The following SOS1 variants were observed in gnomAD, a reference collection of about 807,000 sequenced individuals.
SOS1 encodes son of sevenless homolog 1.
Under a neutral mutation model 157.6 loss-of-function variants are expected in SOS1, and 25 were observed. The ratio of observed to expected loss-of-function variants is 0.16; its 90% CI spans 0.12 to 0.22. The LOEUF (loss-of-function observed/expected upper bound fraction) is 0.22, where lower values mean the gene tolerates loss of function less well. Among genes scored for constraint, SOS1 ranks in the 10% least tolerant of loss-of-function variants. The pLI is 1.00. For missense variants in SOS1, 1,237 were observed against 1,599.1 expected (o/e 0.77, Z 3.86); for synonymous variants, 528 against 534.0 (o/e 0.99, Z 0.16).
At chr2:39,087,438 G>A (rs1672420095) in intron 1 of SOS1, among the ~76,000 whole-genome samples, 1 of 152,078 alleles carries the variant, frequency 6.6e-6, no homozygotes, top group South Asian at 2.1e-4. Flanking sequence ...TTACATTTTT[G>A]TCACAAAACA....
chr2:39,068,009 C>T (rs1331025224), intron 1 of SOS1, among the ~76,000 whole-genome samples: 1 of 152,088 alleles, frequency 6.6e-6, no homozygotes, highest in Non-Finnish European at 1.5e-5. Flanking sequence ...ATCCCAGCTA[C>T]CCAGGAGGCC....
chr2:39,000,251 A>C (rs10495882), intron 17 of SOS1, among the ~76,000 whole-genome samples: 12,117 of 152,284 alleles, frequency 0.08, 1,676 homozygotes, highest in African/African-American at 0.27. Context: ...AAAAGAACAA[A>C]TGATCACAGC....
At chr2:39,115,306 C>T (rs764962564) in intron 1 of SOS1, among the ~76,000 whole-genome samples, 1 of 151,498 alleles carries the variant, frequency 6.6e-6, no homozygotes, top group South Asian at 2.1e-4. Flanking sequence ...TATAAGTAGA[C>T]TCATATAGTA....
intron 3 of SOS1, 22 bp downstream of exon 3, chr2:39,058,651 G>C: frequency 6.2e-7 from 1 of 1,610,882 alleles, no homozygotes; most frequent in South Asian, 1.1e-5. Context: ...TAAAAGGCAA[G>C]AAGGCAGTAG....
chr2:39,063,935 C>T (rs114733835), intron 2 of SOS1, among the ~76,000 whole-genome samples: 2,057 of 152,116 alleles, frequency 0.014, 21 homozygotes, highest in Non-Finnish European at 0.021. Context: ...TGGGCTCAGG[C>T]GATCCTCCCA....
intron 10 of SOS1, among the ~76,000 whole-genome samples, chr2:39,015,172 C>T (rs534203799): frequency 7.2e-5 from 11 of 151,978 alleles, no homozygotes; most frequent in African/African-American, 2.4e-4. Context: ...ACCAGGATCT[C>T]AAAGTATCAC....
intron 2 of SOS1, among the ~76,000 whole-genome samples, chr2:39,066,950 T>C (rs965755353): frequency 2.6e-5 from 4 of 152,220 alleles, no homozygotes; most frequent in Middle Eastern, 3.2e-3. Context: ...AAAAAATGTA[T>C]AGTTTAACAG....
At position 39,051,266 on chromosome 2, in the gene SOS1, G is replaced by A. The variant is rs1671008126; in HGVS notation, c.742C>T (p.Arg248Cys). ...SANDVENIFS[R>C]IVDIHELSVK... Reference sequence around the variant, plus strand: ...CTAAGTTCATGTATATCTACTATGCGACTAAATATATTTTCTACATCCTGT... The same window carrying A: ...CTAAGTTCATGTATATCTACTATGCAACTAAATATATTTTCTACATCCTGT... Residue 248 changes from arginine to cysteine, a missense_variant, in exon 6 of 23, where the codon CGC (arginine) becomes TGC (cysteine). Arg to Cys is a radical substitution (Grantham distance 180). Coordinates refer to ENST00000402219, the MANE Select transcript of SOS1 (RefSeq NM_005633.4). 1.2e-6 allele frequency: 2 copies of A among 1,610,602 alleles called. No individual in the cohort carries two copies. Among genetic ancestry groups the A allele is most frequent in the South Asian group, 1.1e-5 (1 of 90,998 alleles).
chr2:39,119,573 T>C (rs1673786354), intron 1 of SOS1, among the ~76,000 whole-genome samples: 1 of 152,196 alleles, frequency 6.6e-6, no homozygotes, highest in African/African-American at 2.4e-5. Flanking sequence ...ATAGTCTGGT[T>C]GTCACACTGC....
At chr2:39,054,967 G>T in intron 4 of SOS1, 144 bp from the exon 5 acceptor site, 1 of 617,630 alleles carries the variant, frequency 1.6e-6, no homozygotes, top group Non-Finnish European at 2.8e-6. Flanking sequence ...TATATTGCCA[G>T]CATCCCTCCA....
intron 4 of SOS1, among the ~76,000 whole-genome samples, 173 bp downstream of exon 4, chr2:39,056,529 T>G (rs749912803): frequency 6.6e-6 from 1 of 152,216 alleles, no homozygotes; most frequent in Non-Finnish European, 1.5e-5. Context: ...CATTTTAATA[T>G]TATATATCTA....
rs1673848201 is a variant in SOS1, at chr2:39,120,700, C to T, written c.-278G>A. On this transcript the variant is annotated 5_prime_UTR_variant, in exon 1 of 23. Transcript: ENST00000402219. ...CCGCCCCGGGGCCAGGCCCCCCGCC[C>T]CTCCCCGGCCCGCCGGCGCCGCCCC... Among the ~76,000 whole-genome samples, 1 of 146,720 alleles carries T rather than the reference C, an allele frequency of 6.8e-6. No individual in the cohort carries two copies. Among genetic ancestry groups the T allele is most frequent in the South Asian group, 2.1e-4 (1 of 4,824 alleles).
chr2:39,106,545 C>T (rs1401739142), intron 1 of SOS1, among the ~76,000 whole-genome samples: 2 of 147,834 alleles, frequency 1.4e-5, no homozygotes, highest in Non-Finnish European at 3.0e-5. Context: ...GAGCCGAGAT[C>T]CCGCCACTGC....
intron 10 of SOS1, among the ~76,000 whole-genome samples, chr2:39,020,238 T>A (rs1274430051): frequency 6.6e-6 from 1 of 151,676 alleles, no homozygotes; most frequent in Non-Finnish European, 1.5e-5. Flanking sequence ...ATTTTGTACA[T>A]TACTGTTAAA....
chr2:39,117,905 G>T (rs1673713749), intron 1 of SOS1, among the ~76,000 whole-genome samples: 1 of 152,122 alleles, frequency 6.6e-6, no homozygotes, highest in African/African-American at 2.4e-5. Flanking sequence ...TAATCGAGAA[G>T]AAAAACTGAA....
rs894671080 is a variant in SOS1 at position 39,121,008 on chromosome 2, T to A, written c.-586A>T. 8 of 174,856 alleles carry A rather than the reference T, an allele frequency of 4.6e-5. No individual in the cohort carries two copies. Among genetic ancestry groups the A allele is most frequent in the Admixed American group, 3.2e-4 (5 of 15,570 alleles). 10.8% of individuals were successfully genotyped at this position (174,856 alleles called of 1,614,324 possible). A position where few individuals can be genotyped will look rare whatever the true frequency, so the allele number is the denominator to read the frequency against. Reference sequence around the variant, plus strand: ...GCCGCCGCCACCGCCGCCGCCGGTGTAGCGCTGGAGCTTCCTACTAGCGAA... The same window carrying A: ...GCCGCCGCCACCGCCGCCGCCGGTGAAGCGCTGGAGCTTCCTACTAGCGAA... On this transcript the variant is annotated 5_prime_UTR_variant, in exon 1 of 23. Coordinates refer to ENST00000402219, the MANE Select transcript of SOS1 (RefSeq NM_005633.4).
chr2:39,013,429 T>A, intron 13 of SOS1, 31 bp downstream of exon 13: 1 of 1,264,556 alleles, frequency 7.9e-7, no homozygotes, highest in Non-Finnish European at 1.2e-6. Flanking sequence ...TTATTACATA[T>A]AAAACTAGGC....
chr2:39,018,103 A>G (rs1484498091), intron 10 of SOS1, among the ~76,000 whole-genome samples: 1 of 151,938 alleles, frequency 6.6e-6, no homozygotes, highest in African/African-American at 2.4e-5. Context: ...GAGAGATGAA[A>G]GGTAAACACA....
chr2:39,056,328 A>C (rs1199053172), intron 4 of SOS1, among the ~76,000 whole-genome samples: 6 of 152,140 alleles, frequency 3.9e-5, no homozygotes, highest in Admixed American at 2.6e-4. Context: ...GAGGCAGGAC[A>C]ATCACTTGAA....
Sources: gnomAD v4.1 joint callset for allele counts (sites outside exome capture counted in the v4.1 genomes callset) on GRCh38, gnomAD v4.1.1 for gene constraint, MANE v1.5 for transcripts, NCBI Gene and HGNC (gene_info 2026-07-23, HGNC 2026-07-21) for gene names.